Variants in PDGFC observed in about 807,000 individuals in gnomAD.
PDGFC encodes the protein platelet derived growth factor C, also known as platelet-derived growth factor C.
In PDGFC, 12 loss-of-function variants were observed where a neutral mutation model predicts 35.5. The observed-to-expected ratio is 0.34, with a 90% CI of 0.22 to 0.55. The LOEUF is 0.55. Among genes scored for constraint, PDGFC ranks in the 20% least tolerant of loss-of-function variants. The pLI is 0.91. For missense variants in PDGFC, 322 were observed against 412.4 expected, an observed-to-expected ratio of 0.78 and a Z score of 1.90; for synonymous variants, 159 against 148.8, an observed-to-expected ratio of 1.07 and a Z score of -0.50.
chr4:156,903,940 C>T (rs1177717159), intron 1 of PDGFC, among the ~76,000 whole-genome samples: 1 of 152,180 alleles, frequency 6.6e-6, no homozygotes, highest in African/African-American at 2.4e-5. Context: ...TTTAATCTCA[C>T]TAGTGTGATT....
At chr4:156,876,387 T>G (rs189424573) in intron 1 of PDGFC, 1 of 152,334 alleles carries the variant, frequency 6.6e-6, no homozygotes, top group African/African-American at 2.4e-5. Context: ...TTTGGACTAT[T>G]GAGCAAACAA....
chr4:156,899,869 T>G (rs1339460268), intron 1 of PDGFC, among the ~76,000 whole-genome samples: 1 of 152,196 alleles, frequency 6.6e-6, no homozygotes, highest in African/African-American at 2.4e-5. Context: ...ACATCCTAAT[T>G]GCAAAATCCA....
chr4:156,869,719 T>A (rs1469724921), intron 1 of PDGFC, among the ~76,000 whole-genome samples: 1 of 152,148 alleles, frequency 6.6e-6, no homozygotes, highest in East Asian at 1.9e-4. Context: ...TCTTAAAGAA[T>A]CAGCTGAGGA....
At chr4:156,874,362 C>G (rs925072222) in intron 1 of PDGFC, among the ~76,000 whole-genome samples, 2 of 152,054 alleles carry the variant, frequency 1.3e-5, no homozygotes, top group Non-Finnish European at 2.9e-5. Flanking sequence ...TTTGAATAGT[C>G]TAACCATTTA....
chr4:156,927,131 A>G (rs1160364637), intron 1 of PDGFC, among the ~76,000 whole-genome samples: 1 of 152,180 alleles, frequency 6.6e-6, no homozygotes, highest in South Asian at 2.1e-4. Context: ...GGCCCCTTTT[A>G]GCAGTGGCCC....
intron 1 of PDGFC, among the ~76,000 whole-genome samples, chr4:156,923,638 T>A (rs1731339626): frequency 6.6e-6 from 1 of 152,188 alleles, no homozygotes; most frequent in Non-Finnish European, 1.5e-5. Context: ...CTATTCAGTA[T>A]CATTAGAGTG....
At chr4:156,832,477 G>A (rs149930464) in intron 2 of PDGFC, among the ~76,000 whole-genome samples, 3,864 of 151,878 alleles carry the variant, frequency 0.025, 176 homozygotes, top group South Asian at 0.2. Flanking sequence ...GGCTGGCCTC[G>A]AACTCCTGAC....
At chr4:156,945,069 AC>A (rs1731905688) in intron 1 of PDGFC, among the ~76,000 whole-genome samples, 2 of 150,878 alleles carry the variant, frequency 1.3e-5, no homozygotes, top group Admixed American at 1.3e-4. Context: ...ACACTCTCTA[AC>A]CCCCAAAACA....
chr4:156,846,747 T>C (rs1437792022), intron 2 of PDGFC, among the ~76,000 whole-genome samples: 3 of 151,804 alleles, frequency 2.0e-5, no homozygotes, highest in Non-Finnish European at 4.4e-5. Flanking sequence ...AGTGTCATAA[T>C]GTTGGCAGCT....
At chr4:156,917,461 C>T (rs1731179443) in intron 1 of PDGFC, among the ~76,000 whole-genome samples, 1 of 152,160 alleles carries the variant, frequency 6.6e-6, no homozygotes, top group Non-Finnish European at 1.5e-5. Context: ...TATGATTTCC[C>T]ACTGTGTGGA....
intron 1 of PDGFC, among the ~76,000 whole-genome samples, chr4:156,856,040 T>C (rs948174660): frequency 2.0e-5 from 3 of 152,144 alleles, no homozygotes; most frequent in African/African-American, 7.2e-5. Flanking sequence ...TTTTAAATTC[T>C]ATTAATATAA....
chr4:156,807,586 T>C lies in PDGFC; in HGVS notation c.495+3251A>G, dbSNP rs527483584. Among the ~76,000 whole-genome samples the C allele has an allele frequency of 1.6e-4, 25 of 152,140 alleles. No homozygotes were observed. In the South Asian group the frequency reaches 4.1e-3, roughly 25 times the overall value. Reference sequence around the variant, plus strand: ...GTAAATCATCTTACAAGGGAGAACATAATTTTTAATGGCAACTTGTGTGGC... The same window carrying C: ...GTAAATCATCTTACAAGGGAGAACACAATTTTTAATGGCAACTTGTGTGGC... On this transcript the variant is annotated intron_variant, in intron 3 of 5. Coordinates refer to ENST00000502773, the MANE Select transcript of PDGFC (RefSeq NM_016205.3).
At chr4:156,881,238 C>G (rs1166266449) in intron 1 of PDGFC, among the ~76,000 whole-genome samples, 1 of 152,096 alleles carries the variant, frequency 6.6e-6, no homozygotes, top group African/African-American at 2.4e-5. Context: ...TTACTACTTG[C>G]TAAAGGCTTA....
intron 1 of PDGFC, among the ~76,000 whole-genome samples, chr4:156,907,531 G>T (rs1039379991): frequency 6.6e-6 from 1 of 152,262 alleles, no homozygotes; most frequent in African/African-American, 2.4e-5. Context: ...TCAATGTCTA[G>T]AGACATTGAG....
intron 3 of PDGFC, among the ~76,000 whole-genome samples, chr4:156,809,904 C>T (rs1257473666): frequency 6.6e-6 from 1 of 151,840 alleles, no homozygotes; most frequent in Non-Finnish European, 1.5e-5. Flanking sequence ...TTTGCTCTCA[C>T]AAAGACCTGC....
intron 4 of PDGFC, chr4:156,770,759 C>A (rs1209551019): frequency 6.6e-6 from 1 of 151,990 alleles, no homozygotes; most frequent in Admixed American, 6.6e-5. Flanking sequence ...ATACGTTTTG[C>A]TACAAAAAAC....
intron 3 of PDGFC, among the ~76,000 whole-genome samples, chr4:156,805,091 C>T (rs1000942357): frequency 2.6e-5 from 4 of 151,882 alleles, no homozygotes; most frequent in Non-Finnish European, 5.9e-5. Context: ...ACACCATGAT[C>T]GTCATATGAA....
intron 1 of PDGFC, among the ~76,000 whole-genome samples, chr4:156,933,361 T>G (rs1041939926): frequency 6.6e-6 from 1 of 152,200 alleles, no homozygotes. Context: ...GCATCTTTTG[T>G]GGTCGTTGGC....
chr4:156,918,552 G>A (rs182791888), intron 1 of PDGFC, among the ~76,000 whole-genome samples: 248 of 152,306 alleles, frequency 1.6e-3, no homozygotes, highest in Non-Finnish European at 2.4e-3. Context: ...ATTACTGCCT[G>A]AGCTCCGCCT....
Sources: gnomAD v4.1 joint callset for allele counts (sites outside exome capture counted in the v4.1 genomes callset) on GRCh38, gnomAD v4.1.1 for gene constraint, MANE v1.5 for transcripts, NCBI Gene and HGNC (gene_info 2026-07-23, HGNC 2026-07-21) for gene names.